FGF14: variants seen among roughly 807,000 people sequenced by gnomAD.
The protein encoded by FGF14 is fibroblast growth factor 14.
A neutral mutation model predicts 25.5 loss-of-function variants in FGF14; 5 were observed. That is an observed-to-expected ratio of 0.20 (90% CI 0.10 to 0.41). FGF14 has a LOEUF of 0.41. Ranked by LOEUF, FGF14 falls within the 10% of genes least tolerant of loss-of-function variation. The pLI is 1.00. For missense variants in FGF14, 222 were observed against 320.1 expected, an observed-to-expected ratio of 0.69 and a Z score of 2.34; for synonymous variants, 138 against 118.3, an observed-to-expected ratio of 1.17 and a Z score of -1.08.
intron 1 of FGF14, among the ~76,000 whole-genome samples, chr13:101,986,186 T>C (rs960709837): frequency 1.3e-5 from 2 of 152,160 alleles, no homozygotes; most frequent in African/African-American, 2.4e-5. Context: ...ACAATCATTA[T>C]TGGGCATTGT....
At chr13:102,023,750 A>C (rs554778515) in intron 1 of FGF14, among the ~76,000 whole-genome samples, 24 of 152,140 alleles carry the variant, frequency 1.6e-4, no homozygotes, top group African/African-American at 5.8e-4. Flanking sequence ...AGGTTCGTTT[A>C]TGTCATAACA....
At chr13:102,227,291 A>C (rs2050867719) in intron 1 of FGF14, among the ~76,000 whole-genome samples, 1 of 152,094 alleles carries the variant, frequency 6.6e-6, no homozygotes, top group African/African-American at 2.4e-5. Context: ...GTCCTAGCCT[A>C]TCCACCTGCC....
At chr13:101,893,420 G>A (rs1414198771) in intron 1 of FGF14, among the ~76,000 whole-genome samples, 3 of 152,102 alleles carry the variant, frequency 2.0e-5, no homozygotes, top group Non-Finnish European at 4.4e-5. Flanking sequence ...AGAGAACAAT[G>A]GCTCCCTGAA....
chr13:102,128,913 T>C (rs1185223569), intron 1 of FGF14, among the ~76,000 whole-genome samples: 1 of 152,046 alleles, frequency 6.6e-6, no homozygotes, highest in East Asian at 1.9e-4. Context: ...TGAAACCCTG[T>C]CTCTACCAAA....
chr13:101,763,247 C>T (rs1287164304), intron 3 of FGF14, among the ~76,000 whole-genome samples: 1 of 152,148 alleles, frequency 6.6e-6, no homozygotes, highest in African/African-American at 2.4e-5. Flanking sequence ...ACAACATTCT[C>T]CAGTCAGTCA....
intron 3 of FGF14, among the ~76,000 whole-genome samples, chr13:101,766,252 A>G (rs1475828612): frequency 6.6e-6 from 1 of 152,192 alleles, no homozygotes; most frequent in African/African-American, 2.4e-5. Context: ...AAGTCAAGGC[A>G]CGTGTGTGTT....
chr13:102,387,730 T>C (rs778532010), intron 1 of FGF14, among the ~76,000 whole-genome samples: 1 of 152,040 alleles, frequency 6.6e-6, no homozygotes, highest in Non-Finnish European at 1.5e-5. Flanking sequence ...TTTGGTTTTT[T>C]GAGAGTTTTT....
chr13:102,053,402 T>G (rs1007553072), intron 1 of FGF14, among the ~76,000 whole-genome samples: 1 of 151,940 alleles, frequency 6.6e-6, no homozygotes, highest in Admixed American at 6.6e-5. Flanking sequence ...ATAGAGAAAT[T>G]ATTTCAAATA....
At chr13:101,963,799 A>G (rs2037015391) in intron 1 of FGF14, among the ~76,000 whole-genome samples, 1 of 152,220 alleles carries the variant, frequency 6.6e-6, no homozygotes, top group African/African-American at 2.4e-5. Flanking sequence ...TGTGTTAGTC[A>G]TGGGAGATAC....
chr13:101,966,411 G>A (rs756610126), intron 1 of FGF14, among the ~76,000 whole-genome samples: 3 of 152,164 alleles, frequency 2.0e-5, no homozygotes, highest in East Asian at 3.9e-4. Context: ...AGGGAGCATG[G>A]TTCTGCAGAA....
chr13:102,125,574 C>G (rs1157971808), intron 1 of FGF14, among the ~76,000 whole-genome samples: 1 of 152,110 alleles, frequency 6.6e-6, no homozygotes, highest in Non-Finnish European at 1.5e-5. Context: ...TGGATACTAC[C>G]TATTCTTCTG....
chr13:102,117,647 C>T lies in FGF14; in HGVS notation c.209-242351G>A, dbSNP rs1483386281. 2.6e-5 allele frequency among the ~76,000 whole-genome samples: 4 copies of T among 152,126 alleles called. 1 individual carries two copies. Among genetic ancestry groups the T allele is most frequent in the Admixed American group, 2.0e-4 (3 of 15,274 alleles). On this transcript the variant is annotated intron_variant, in intron 1 of 4. Transcript: ENST00000376131. ...GGTACTGGTAGAATAAACAGTGGCA[C>T]ACCCATCCACTATGCAGCCAGAGAA...
chr13:102,353,038 T>C (rs970250845), intron 1 of FGF14, among the ~76,000 whole-genome samples: 1 of 152,168 alleles, frequency 6.6e-6, no homozygotes, highest in Non-Finnish European at 1.5e-5. Flanking sequence ...GGATATAGTT[T>C]AAATTCCAAA....
chr13:102,171,575 A>C (rs2048245877), intron 1 of FGF14, among the ~76,000 whole-genome samples: 1 of 152,182 alleles, frequency 6.6e-6, no homozygotes, highest in South Asian at 2.1e-4. Context: ...AACAAGACTT[A>C]ATGTCTTTCT....
At chr13:101,917,330 G>A (rs1001708378), upstream of FGF14, among the ~76,000 whole-genome samples, 29 of 151,848 alleles carry the variant, frequency 1.9e-4, no homozygotes, top group African/African-American at 6.0e-4. Flanking sequence ...CCCTCCTGAT[G>A]TACCTCTTCA....
At chr13:102,120,611 T>C (rs184442410) in intron 1 of FGF14, among the ~76,000 whole-genome samples, 53 of 152,152 alleles carry the variant, frequency 3.5e-4, no homozygotes, top group African/African-American at 1.2e-3. Context: ...CCTGGTGAAA[T>C]GCAGCTTTCC....
chr13:102,150,846 T>C (rs898058975), intron 1 of FGF14, among the ~76,000 whole-genome samples: 1 of 152,276 alleles, frequency 6.6e-6, no homozygotes, highest in Non-Finnish European at 1.5e-5. Context: ...GTGCTGCCAA[T>C]CACCTTGCAA....
chr13:101,792,841 G>C (rs7325170), intron 3 of FGF14, among the ~76,000 whole-genome samples: 142,399 of 152,118 alleles, frequency 0.94, 67,341 homozygotes, highest in East Asian at 1. Context: ...GTAGAACCTG[G>C]CTATTTTCAT....
chr13:101,747,466 C>A (rs1438789505), intron 3 of FGF14, among the ~76,000 whole-genome samples: 2 of 152,072 alleles, frequency 1.3e-5, no homozygotes, highest in Admixed American at 6.6e-5. Flanking sequence ...TTGGCAAGTT[C>A]TTTAAATGAT....
Sources: gnomAD v4.1 joint callset for allele counts (sites outside exome capture counted in the v4.1 genomes callset) on GRCh38, gnomAD v4.1.1 for gene constraint, MANE v1.5 for transcripts, NCBI Gene and HGNC (gene_info 2026-07-23, HGNC 2026-07-21) for gene names.